FANCD2: variants seen among roughly 807,000 people sequenced by gnomAD.
FANCD2 encodes the protein FA complementation group D2, also known as Fanconi anemia group D2 protein.
FANCD2 carries 131 observed loss-of-function variants against 192.3 expected under a neutral mutation model. The ratio of observed to expected loss-of-function variants is 0.68; its 90% CI spans 0.59 to 0.79. The LOEUF (loss-of-function observed/expected upper bound fraction) is 0.79, where lower values mean the gene tolerates loss of function less well. FANCD2 is among the 30% of genes least tolerant of loss of function. The pLI is 0.00. For synonymous variants in FANCD2, 524 were observed against 612.5 expected (o/e 0.86, Z 2.13); for missense variants, 1,508 against 1,701.6 (o/e 0.89, Z 2.00).
intron 38 of FANCD2, among the ~76,000 whole-genome samples, chr3:10,092,639 G>T (rs1694710900): frequency 1.4e-5 from 2 of 141,284 alleles, no homozygotes. Flanking sequence ...TGCTCAGCTT[G>T]TTCCCCCAGC....
intron 38 of FANCD2, 101 bp downstream of exon 38, chr3:10,092,353 C>T: frequency 1.1e-6 from 1 of 894,558 alleles, no homozygotes; most frequent in East Asian, 2.4e-5. Context: ...CCCACTCTTC[C>T]TTGGGGCCTG....
chr3:10,091,375 C>T (rs1694599053), intron 37 of FANCD2, among the ~76,000 whole-genome samples: 1 of 150,526 alleles, frequency 6.6e-6, no homozygotes, highest in Non-Finnish European at 1.5e-5. Context: ...ACCACTGCAC[C>T]TGGCATAAAC....
chr3:10,084,098 A>G (rs1694023587), intron 32 of FANCD2, among the ~76,000 whole-genome samples: 1 of 150,798 alleles, frequency 6.6e-6, no homozygotes, highest in Admixed American at 6.6e-5. Flanking sequence ...GGTTCAAGCG[A>G]TTCTTCTGCC....
At chr3:10,088,743 A>C (rs1021210267) in intron 35 of FANCD2, 85 bp from the exon 36 acceptor site, 91 of 1,446,928 alleles carry the variant, frequency 6.3e-5, no homozygotes, top group Non-Finnish European at 8.1e-5. Context: ...CTTATTGTTA[A>C]TTCAGATCAT....
intron 39 of FANCD2, among the ~76,000 whole-genome samples, chr3:10,093,599 G>A (rs900307772): frequency 6.6e-6 from 1 of 152,140 alleles, no homozygotes; most frequent in African/African-American, 2.4e-5. Flanking sequence ...GTTACCTTCC[G>A]TGCCATTCCT....
intron 42 of FANCD2, among the ~76,000 whole-genome samples, chr3:10,098,387 A>T (rs1242384972): frequency 6.6e-6 from 1 of 152,140 alleles, no homozygotes; most frequent in Non-Finnish European, 1.5e-5. Flanking sequence ...TAGTGCTTAG[A>T]TACCTTAAGG....
chr3:10,078,336 A>G (rs1693643144), intron 30 of FANCD2, 139 bp downstream of exon 30: 3 of 692,772 alleles, frequency 4.3e-6, no homozygotes, highest in Non-Finnish European at 8.0e-6. Flanking sequence ...TTGCCAGACA[A>G]TATTCATCTT....
chr3:10,037,042 G>A lies in FANCD2; in HGVS notation c.491+703G>A, dbSNP rs939306175. Among the ~76,000 whole-genome samples, 41 of 149,738 alleles carry A rather than the reference G, an allele frequency of 2.7e-4. 1 individual carries two copies. The highest frequency in any genetic ancestry group is 9.4e-4 in the African/African-American group (38 of 40,396). ...TTTTTTTTGGTAGAGGTGGGGTTTC[G>A]CCATGTTGCCCAGGCTAGTCTCAAA... On this transcript the variant is annotated intron_variant, in intron 7 of 43. Transcript: ENST00000675286.
chr3:10,078,375 G>A (rs1424561885), intron 30 of FANCD2, among the ~76,000 whole-genome samples, 178 bp downstream of exon 30: 1 of 151,706 alleles, frequency 6.6e-6, no homozygotes, highest in Non-Finnish European at 1.5e-5. Context: ...TTTATTTAGA[G>A]ATGGAGTCTC....
chr3:10,100,004 C>T (rs1041655519), intron 43 of FANCD2, among the ~76,000 whole-genome samples: 3 of 151,584 alleles, frequency 2.0e-5, no homozygotes, highest in Non-Finnish European at 4.4e-5. Context: ...AAGACCAACC[C>T]GAGACCCCAT....
Position 10,092,270 on chromosome 3 carries a change from T to C in FANCD2, c.3849+18T>C, listed in dbSNP as rs1209755883. 1 of 1,573,374 alleles carries C rather than the reference T, an allele frequency of 6.4e-7. No homozygotes were observed. Among genetic ancestry groups the C allele is most frequent in the South Asian group, 1.1e-5 (1 of 90,206 alleles). Reference sequence around the variant, plus strand: ...TGATAAAGGTGAGTATGGAGACTGCTTGACACATCTCACCAAATAACTGCA... The same window carrying C: ...TGATAAAGGTGAGTATGGAGACTGCCTGACACATCTCACCAAATAACTGCA... On this transcript the variant is annotated intron_variant, in intron 38 of 43. Transcript: ENST00000675286.
intron 26 of FANCD2, among the ~76,000 whole-genome samples, chr3:10,072,142 A>G (rs550973745): frequency 1.3e-5 from 2 of 152,286 alleles, no homozygotes; most frequent in East Asian, 3.9e-4. Context: ...AAAATAGTAT[A>G]ATTGGATTGT....
chr3:10,054,313 G>A (rs2087308655), intron 18 of FANCD2, among the ~76,000 whole-genome samples: 1 of 144,110 alleles, frequency 6.9e-6, no homozygotes, highest in Non-Finnish European at 1.5e-5. Context: ...AATTCATACT[G>A]GACTGTGACT....
intron 29 of FANCD2, 137 bp from the exon 30 acceptor site, chr3:10,077,944 G>A (rs1268233957): frequency 4.1e-6 from 3 of 738,602 alleles, no homozygotes; most frequent in African/African-American, 3.5e-5. Context: ...TGAGATGGGA[G>A]GATAACTTGG....
chr3:10,061,156 C>T (rs1409724327), intron 19 of FANCD2, among the ~76,000 whole-genome samples: 5 of 152,220 alleles, frequency 3.3e-5, no homozygotes, highest in South Asian at 2.1e-4. Flanking sequence ...AAGCCCTCTT[C>T]GGCATACAGC....
intron 2 of FANCD2, among the ~76,000 whole-genome samples, chr3:10,028,925 G>C (rs890662104): frequency 6.6e-6 from 1 of 152,160 alleles, no homozygotes; most frequent in African/African-American, 2.4e-5. Flanking sequence ...ACAGCCTCTG[G>C]ACCTCAGTCT....
chr3:10,037,853 G>A (rs1206456829), intron 7 of FANCD2, among the ~76,000 whole-genome samples: 3 of 152,092 alleles, frequency 2.0e-5, no homozygotes, highest in Non-Finnish European at 4.4e-5. Flanking sequence ...AAGTAGTTCA[G>A]TATTTTGTTT....
intron 29 of FANCD2, among the ~76,000 whole-genome samples, 162 bp from the exon 30 acceptor site, chr3:10,077,919 C>T (rs6792951): frequency 2.0e-5 from 3 of 151,456 alleles, no homozygotes; most frequent in South Asian, 2.1e-4. Flanking sequence ...CTATAGTCCC[C>T]GCTACTCGGG....
Position 10,096,485 on chromosome 3 carries a change from T to C in FANCD2, c.4185+13T>C. 2 of 1,613,166 alleles carry C rather than the reference T, an allele frequency of 1.2e-6. No individual in the cohort carries two copies. The highest frequency in any genetic ancestry group is 8.5e-7 in the Non-Finnish European group (1 of 1,179,166). On this transcript the variant is annotated intron_variant, in intron 42 of 43. Coordinates refer to ENST00000675286, the MANE Select transcript of FANCD2 (RefSeq NM_001018115.3). ...CCGGGACTTGCAGGTAAGCCTTGGA[T>C]CCTGCTAGTGATAATCCCCTACTCT...
Sources: allele counts gnomAD v4.1 joint callset (sites outside exome capture counted in the v4.1 genomes callset), GRCh38; gene constraint gnomAD v4.1.1; transcripts MANE v1.5; gene names NCBI Gene and HGNC (gene_info 2026-07-23, HGNC 2026-07-21).